Variants in RANBP17 observed in about 807,000 individuals in gnomAD.
RANBP17 encodes the protein RAN binding protein 17, also known as ran-binding protein 17.
In RANBP17, 158 loss-of-function variants were observed where a neutral mutation model predicts 141.2. The observed-to-expected ratio is 1.12, with a 90% CI of 0.98 to 1.28. RANBP17 has a LOEUF of 1.28. Ranked by LOEUF, RANBP17 falls within the 50% of genes most tolerant of loss-of-function variation. RANBP17 has a pLI of 0.00. For synonymous variants in RANBP17, 430 were observed against 450.0 expected, an observed-to-expected ratio of 0.96 and a Z score of 0.56; for missense variants, 1,438 against 1,290.7, an observed-to-expected ratio of 1.11 and a Z score of -1.75.
rs577336572 is a variant in RANBP17 at position 171,299,536 on chromosome 5, G to A, written c.*678G>A. On this transcript the variant is annotated 3_prime_UTR_variant, in exon 28 of 28. Coordinates refer to ENST00000523189, the MANE Select transcript of RANBP17 (RefSeq NM_022897.5). ...AAGCTGTGCAATTACTGCCTGCAGA[G>A]ATATTTCTTCAGGAGGAGTCATGTA... 1.9e-4 allele frequency: 43 copies of A among 232,402 alleles called. No individual in the cohort carries two copies. In the Middle Eastern group the frequency reaches 5.1e-3, roughly 28 times the overall value. 14.4% of individuals were successfully genotyped at this position (232,402 alleles called of 1,614,324 possible). A position where few individuals can be genotyped will look rare whatever the true frequency, so the allele number is the denominator to read the frequency against.
intron 13 of RANBP17, among the ~76,000 whole-genome samples, chr5:170,955,797 G>T (rs1278875544): frequency 6.9e-6 from 1 of 145,476 alleles, no homozygotes; most frequent in East Asian, 2.0e-4. Context: ...AACAAAAATT[G>T]AGGAACAACC....
chr5:171,257,744 T>C (rs1356229770), intron 24 of RANBP17, among the ~76,000 whole-genome samples: 1 of 152,062 alleles, frequency 6.6e-6, no homozygotes, highest in East Asian at 1.9e-4. Flanking sequence ...TCAATAGTAT[T>C]TCTATATACC....
In RANBP17 at chr5:171,199,787, C is replaced by T; in HGVS notation, c.2142+14C>T. 1 of 1,487,106 alleles carries T rather than the reference C, an allele frequency of 6.7e-7. No individual in the cohort carries two copies. The highest frequency in any genetic ancestry group is 2.3e-5 in the East Asian group (1 of 43,298). 92.1% of individuals were successfully genotyped at this position (1,487,106 alleles called of 1,614,324 possible). A position where few individuals can be genotyped will look rare whatever the true frequency, so the allele number is the denominator to read the frequency against. On this transcript the variant is annotated intron_variant, in intron 19 of 27. Transcript: ENST00000523189. ...GAAGATGTAAAGGTGGGTTTGTTTC[C>T]AAATATGAGGAATGACAGTTTTGTT...
At chr5:171,065,216 A>G (rs72827530) in intron 14 of RANBP17, among the ~76,000 whole-genome samples, 2 of 151,938 alleles carry the variant, frequency 1.3e-5, no homozygotes, top group Non-Finnish European at 2.9e-5. Flanking sequence ...TCAAATGGCT[A>G]TCCGGTATTC....
rs145874328 is a variant in RANBP17, at chr5:170,949,178, T to A, written c.1469-4419T>A. ...GCAGCTATTTCTTAGATATGACACC[T>A]GAAGCAGACAACAGAAAACAAATTA... On this transcript the variant is annotated intron_variant, in intron 12 of 27. Coordinates refer to ENST00000523189, the MANE Select transcript of RANBP17 (RefSeq NM_022897.5). 5.1e-4 allele frequency among the ~76,000 whole-genome samples: 77 copies of A among 152,226 alleles called. 1 individual carries two copies. In the East Asian group the frequency reaches 0.014, roughly 27 times the overall value.
intron 1 of RANBP17, among the ~76,000 whole-genome samples, chr5:170,866,498 A>G (rs1188918329): frequency 3.3e-5 from 5 of 152,024 alleles, no homozygotes; most frequent in African/African-American, 7.2e-5. Context: ...ACACAGTGAA[A>G]CCCCATGTCT....
intron 14 of RANBP17, among the ~76,000 whole-genome samples, chr5:171,147,381 G>GTGTGTGTGTGTGT (rs1554105338): frequency 7.6e-6 from 1 of 130,958 alleles, no homozygotes; most frequent in Non-Finnish European, 1.6e-5. Flanking sequence ...GTGTGTGTGT[G>GTGTGTGTGTGTGT]GTTGTTTGTT....
chr5:171,240,895 C>T (rs758311446), intron 22 of RANBP17, 33 bp from the exon 23 acceptor site: 12 of 1,419,444 alleles, frequency 8.5e-6, no homozygotes, highest in Non-Finnish European at 1.2e-5. Flanking sequence ...ATGACATCTA[C>T]TTATGTCACT....
chr5:171,050,366 C>T (rs988383718), intron 14 of RANBP17, among the ~76,000 whole-genome samples: 1 of 152,150 alleles, frequency 6.6e-6, no homozygotes, highest in Non-Finnish European at 1.5e-5. Flanking sequence ...TTATTCTTCA[C>T]TCTTTGTATA....
intron 12 of RANBP17, among the ~76,000 whole-genome samples, chr5:170,948,279 C>T (rs1581214649): frequency 6.6e-6 from 1 of 151,944 alleles, no homozygotes; most frequent in Non-Finnish European, 1.5e-5. Flanking sequence ...ATAATTAAAG[C>T]TAAGTACCTA....
intron 22 of RANBP17, among the ~76,000 whole-genome samples, chr5:171,236,807 A>G (rs7720299): frequency 0.014 from 2,172 of 152,340 alleles, 45 homozygotes; most frequent in African/African-American, 0.049. Context: ...ACACAAGTTA[A>G]TAATCTGCTC....
intron 14 of RANBP17, among the ~76,000 whole-genome samples, chr5:171,114,200 T>C (rs1450122837): frequency 6.6e-6 from 1 of 152,190 alleles, no homozygotes; most frequent in South Asian, 2.1e-4. Flanking sequence ...ACTGCTACTC[T>C]ACAGTGTTAG....
At chr5:171,224,845 A>G (rs1763796519) in intron 22 of RANBP17, among the ~76,000 whole-genome samples, 1 of 152,228 alleles carries the variant, frequency 6.6e-6, no homozygotes, top group Admixed American at 6.5e-5. Context: ...ATAGTCCTAT[A>G]TTAGACCATT....
chr5:171,090,712 G>A (rs1786189228), intron 14 of RANBP17, among the ~76,000 whole-genome samples: 1 of 152,182 alleles, frequency 6.6e-6, no homozygotes, highest in Non-Finnish European at 1.5e-5. Context: ...TGCAGTCTAG[G>A]GACTTGGTGC....
intron 14 of RANBP17, among the ~76,000 whole-genome samples, chr5:171,161,925 C>T (rs1430455303): frequency 2.0e-5 from 3 of 152,158 alleles, no homozygotes; most frequent in African/African-American, 2.4e-5. Flanking sequence ...TCCCAGTTCC[C>T]CACCTCTGCT....
intron 1 of RANBP17, chr5:170,867,108 C>G (rs1767327433): frequency 6.6e-6 from 1 of 152,194 alleles, no homozygotes; most frequent in Admixed American, 6.5e-5. Context: ...ATAGCTATTG[C>G]ACACCAGCCT....
chr5:170,991,064 C>G (rs1778478887), intron 14 of RANBP17, among the ~76,000 whole-genome samples: 1 of 151,862 alleles, frequency 6.6e-6, no homozygotes, highest in Admixed American at 6.6e-5. Flanking sequence ...ATAGTTATAT[C>G]AACAATAAAT....
chr5:171,014,548 A>C (rs1349756928), intron 14 of RANBP17, among the ~76,000 whole-genome samples: 1 of 151,968 alleles, frequency 6.6e-6, no homozygotes, highest in Non-Finnish European at 1.5e-5. Flanking sequence ...CATTTTACTT[A>C]TCAAAAAAGA....
At chr5:170,892,621 C>A in intron 4 of RANBP17, 68 bp downstream of exon 4, 1 of 1,230,268 alleles carries the variant, frequency 8.1e-7, no homozygotes, top group Non-Finnish European at 1.1e-6. Flanking sequence ...TACTGCTCTT[C>A]TTAAAGCGAT....
Sources: allele counts gnomAD v4.1 joint callset (sites outside exome capture counted in the v4.1 genomes callset), GRCh38; gene constraint gnomAD v4.1.1; transcripts MANE v1.5; gene names NCBI Gene and HGNC (gene_info 2026-07-23, HGNC 2026-07-21).